AGBL4: variants seen among roughly 807,000 people sequenced by gnomAD.
AGBL4 encodes the protein cytosolic carboxypeptidase 6.
A neutral mutation model predicts 66.4 loss-of-function variants in AGBL4; 58 were observed. That is an observed-to-expected ratio of 0.87 (90% CI 0.71 to 1.09). AGBL4 has a LOEUF of 1.09. Among genes scored for constraint, AGBL4 ranks in the 50% least tolerant of loss-of-function variants. AGBL4 has a pLI of 0.00. For missense variants in AGBL4, 579 were observed against 631.0 expected (o/e 0.92, Z 0.88); for synonymous variants, 234 against 222.9 (o/e 1.05, Z -0.44).
At chr1:49,733,583 G>T (rs965544553) in intron 2 of AGBL4, among the ~76,000 whole-genome samples, 1 of 152,186 alleles carries the variant, frequency 6.6e-6, no homozygotes, top group African/African-American at 2.4e-5. Flanking sequence ...GAGAGCCTGA[G>T]TTGTAGTCTT....
chr1:49,833,111 G>T (rs975705928), intron 2 of AGBL4, among the ~76,000 whole-genome samples: 2 of 152,118 alleles, frequency 1.3e-5, no homozygotes, highest in Admixed American at 6.5e-5. Flanking sequence ...TTCTTCTAGG[G>T]TTTTTATGGT....
chr1:48,687,128 CAGACAAACA>C (rs1646546441), intron 6 of AGBL4, among the ~76,000 whole-genome samples: 1 of 152,132 alleles, frequency 6.6e-6, no homozygotes, highest in Non-Finnish European at 1.5e-5. Context: ...AAGTCAGAGA[CAGACAAACA>C]GCGGCAGATG....
intron 3 of AGBL4, among the ~76,000 whole-genome samples, chr1:49,631,291 C>T (rs1451704682): frequency 6.6e-6 from 1 of 152,204 alleles, no homozygotes; most frequent in African/African-American, 2.4e-5. Flanking sequence ...TCTGAATCCA[C>T]TCTTCTACTG....
chr1:49,570,147 G>A (rs1252306000), intron 3 of AGBL4, among the ~76,000 whole-genome samples: 2 of 151,992 alleles, frequency 1.3e-5, no homozygotes, highest in African/African-American at 4.8e-5. Flanking sequence ...CTTTGAGAAT[G>A]CTTCATACTT....
intron 8 of AGBL4, among the ~76,000 whole-genome samples, chr1:48,634,960 G>C (rs1242575592): frequency 6.6e-6 from 1 of 152,084 alleles, no homozygotes; most frequent in Admixed American, 6.5e-5. Context: ...CACAACTACT[G>C]GTGTTCCCAT....
chr1:48,740,619 T>C (rs542828171), intron 6 of AGBL4, among the ~76,000 whole-genome samples: 2 of 152,326 alleles, frequency 1.3e-5, no homozygotes, highest in East Asian at 3.9e-4. Flanking sequence ...ATATGGCATC[T>C]GGTAGGATGG....
chr1:49,830,518 G>A (rs1265681909), intron 2 of AGBL4, among the ~76,000 whole-genome samples: 1 of 152,144 alleles, frequency 6.6e-6, no homozygotes, highest in Non-Finnish European at 1.5e-5. Flanking sequence ...CCCTTTATCA[G>A]ATGGATAGAA....
chr1:49,024,411 G>A (rs1226541152), intron 5 of AGBL4, among the ~76,000 whole-genome samples: 1 of 151,998 alleles, frequency 6.6e-6, no homozygotes, highest in Non-Finnish European at 1.5e-5. Flanking sequence ...CTTCCCCATA[G>A]CAATTCTTTC....
intron 3 of AGBL4, among the ~76,000 whole-genome samples, chr1:49,600,591 G>A (rs1644936376): frequency 6.6e-6 from 1 of 152,022 alleles, no homozygotes; most frequent in South Asian, 2.1e-4. Flanking sequence ...TTTTAATGAG[G>A]GCATTTAGCC....
At chr1:49,105,788 G>A (rs1645281647) in intron 4 of AGBL4, among the ~76,000 whole-genome samples, 1 of 152,150 alleles carries the variant, frequency 6.6e-6, no homozygotes, top group South Asian at 2.1e-4. Context: ...GATAAAATGT[G>A]CAAATGTATG....
At chr1:49,109,701 T>C (rs1468445737) in intron 4 of AGBL4, among the ~76,000 whole-genome samples, 1 of 152,336 alleles carries the variant, frequency 6.6e-6, no homozygotes, top group East Asian at 1.9e-4. Flanking sequence ...TAAACTCTGG[T>C]GAATCACTAG....
intron 1 of AGBL4, among the ~76,000 whole-genome samples, chr1:49,945,988 C>T (rs1655170531): frequency 6.6e-6 from 1 of 151,884 alleles, no homozygotes; most frequent in East Asian, 1.9e-4. Context: ...GATAAAAGGC[C>T]TTGTCCAACA....
intron 5 of AGBL4, among the ~76,000 whole-genome samples, chr1:49,038,635 C>T (rs1007766922): frequency 1.3e-5 from 2 of 151,892 alleles, no homozygotes; most frequent in African/African-American, 4.8e-5. Flanking sequence ...AAATGCAAAT[C>T]GAAACAACAA....
chr1:49,613,557 A>G (rs1645195224), intron 3 of AGBL4, among the ~76,000 whole-genome samples: 1 of 152,252 alleles, frequency 6.6e-6, no homozygotes, highest in South Asian at 2.1e-4. Context: ...GCAGCATTAG[A>G]TTCTCATAGG....
chr1:49,045,677 G>A lies in AGBL4; in HGVS notation c.501C>T (p.Tyr167=). ...GTTGGAAGCGAGTGTATGTATATGG[G>A]TAGCAGTAAGCAAACTGGTAAATAT... The part of the protein sequence containing the change: ...EEDIYQFAYC[Y]PYTYTRFQHY... The change falls in exon 5 of 14, where the codon TAC becomes TAT. Residue 167 remains tyrosine (Y), a synonymous_variant. Coordinates refer to ENST00000371839, the MANE Select transcript of AGBL4 (RefSeq NM_032785.4). 6.4e-7 allele frequency: 1 copy of A among 1,573,966 alleles called. No homozygotes were observed. The highest frequency in any genetic ancestry group is 8.6e-7 in the Non-Finnish European group (1 of 1,158,016).
chr1:49,956,338 T>C (rs2148333481), intron 1 of AGBL4, among the ~76,000 whole-genome samples: 1 of 151,992 alleles, frequency 6.6e-6, no homozygotes, highest in African/African-American at 2.4e-5. Context: ...GACATACATT[T>C]CTACCTACTC....
At chr1:49,757,773 T>C (rs554308877) in intron 2 of AGBL4, among the ~76,000 whole-genome samples, 1 of 152,230 alleles carries the variant, frequency 6.6e-6, no homozygotes, top group South Asian at 2.1e-4. Context: ...AGCAGCAAAG[T>C]ATTCAAGAGG....
intron 6 of AGBL4, among the ~76,000 whole-genome samples, chr1:48,718,426 A>G (rs765709289): frequency 6.6e-6 from 1 of 152,244 alleles, no homozygotes; most frequent in African/African-American, 2.4e-5. Context: ...AGCTCAGAAA[A>G]GTGCATGAAT....
intron 6 of AGBL4, among the ~76,000 whole-genome samples, chr1:48,692,787 A>G (rs762936956): frequency 2.0e-5 from 3 of 152,128 alleles, no homozygotes; most frequent in Non-Finnish European, 2.9e-5. Context: ...CTCTCCCTCC[A>G]TCCTCTCACT....
Sources: allele counts gnomAD v4.1 joint callset (sites outside exome capture counted in the v4.1 genomes callset), GRCh38; gene constraint gnomAD v4.1.1; transcripts MANE v1.5; gene names NCBI Gene and HGNC (gene_info 2026-07-23, HGNC 2026-07-21).